SPAG9: variants seen among roughly 807,000 people sequenced by gnomAD.
SPAG9 encodes the protein sperm associated antigen 9.
A neutral mutation model predicts 166.5 loss-of-function variants in SPAG9; 35 were observed. The ratio of observed to expected loss-of-function variants is 0.21; its 90% CI spans 0.16 to 0.28. The LOEUF (loss-of-function observed/expected upper bound fraction) is 0.28, where lower values mean the gene tolerates loss of function less well. Among genes scored for constraint, SPAG9 ranks in the 10% least tolerant of loss-of-function variants. The probability of loss-of-function intolerance (pLI) is 1.00; values close to 1 mark genes in which losing one functional copy is unlikely to be tolerated. For synonymous variants in SPAG9, 534 were observed against 565.5 expected (o/e 0.94, Z 0.79); for missense variants, 1,235 against 1,603.3 (o/e 0.77, Z 3.92).
Position 50,996,680 on chromosome 17 carries a change from A to G in SPAG9, c.1853T>C (p.Leu618Ser), listed in dbSNP as rs143666251. Residue 618 changes from leucine (L) to serine (S), a missense_variant, in exon 16 of 30, where the codon TTA becomes TCA. By Grantham distance (145) the Leu-to-Ser change is moderately radical. This residue lies in a region of SPAG9 where 493 missense variants were observed against 559.4 expected (regional missense o/e 0.88). Transcript: ENST00000262013. ...DFLSEETEAS[L>S]ASRREQKREQ... ...TCTCTTTTGTTCTCTGCGTGAGGCT[A>G]AACTAGCTTCAGTTCTAAAAGGAAA... 53 of 1,614,146 alleles carry G rather than the reference A, an allele frequency of 3.3e-5. No homozygotes were observed. In the African/African-American group the frequency reaches 6.8e-4, roughly 21 times the overall value.
At chr17:51,099,369 G>A (rs1451981284) in intron 1 of SPAG9, among the ~76,000 whole-genome samples, 1 of 147,058 alleles carries the variant, frequency 6.8e-6, no homozygotes, top group Non-Finnish European at 1.5e-5. Flanking sequence ...GGAGGCGGAG[G>A]TTGCAGTGAG....
chr17:50,971,325 CA>C (rs1973787164), intron 28 of SPAG9, among the ~76,000 whole-genome samples: 2 of 151,682 alleles, frequency 1.3e-5, no homozygotes, highest in African/African-American at 4.8e-5. Flanking sequence ...AACAAACAAA[CA>C]AACAAACAAA....
intron 15 of SPAG9, among the ~76,000 whole-genome samples, chr17:50,997,394 G>A (rs527462512): frequency 2.8e-4 from 43 of 152,256 alleles, no homozygotes; most frequent in South Asian, 2.7e-3. Context: ...GCCAGAAAAC[G>A]TGCTAGAAGT....
rs1320621854 is a variant in SPAG9 at position 51,049,264 on chromosome 17, G to A, written c.496-1795C>T. ...CGCCTATAGTCCCTACTGCTCAGGA[G>A]GCAGAAGTGGGAGAACTGCTTGGAC... On this transcript the variant is annotated intron_variant, in intron 3 of 29. Coordinates refer to ENST00000262013, the MANE Select transcript of SPAG9 (RefSeq NM_001130528.3). Among the ~76,000 whole-genome samples, 9 of 151,938 alleles carry A rather than the reference G, an allele frequency of 5.9e-5. No homozygotes were observed. The South Asian group carries it at 1.9e-3, about 32-fold the overall frequency.
At chr17:51,011,319 G>A (rs2045475328) in intron 9 of SPAG9, among the ~76,000 whole-genome samples, 1 of 150,198 alleles carries the variant, frequency 6.7e-6, no homozygotes, top group African/African-American at 2.4e-5. Context: ...AGTAATTGAA[G>A]TACTGAGTCC....
At chr17:51,095,102 T>C (rs1222956600) in intron 1 of SPAG9, among the ~76,000 whole-genome samples, 10 of 150,990 alleles carry the variant, frequency 6.6e-5, no homozygotes, top group Non-Finnish European at 1.0e-4. Flanking sequence ...GAGACCATCC[T>C]GGCTAACACT....
intron 11 of SPAG9, 87 bp from the exon 12 acceptor site, chr17:51,005,350 A>AC: frequency 8.2e-7 from 1 of 1,219,430 alleles, no homozygotes. Context: ...AATTTTAACT[A>AC]CCACTAAAGG....
At chr17:51,076,849 T>C (rs1383595223) in intron 2 of SPAG9, among the ~76,000 whole-genome samples, 1 of 152,078 alleles carries the variant, frequency 6.6e-6, no homozygotes, top group Non-Finnish European at 1.5e-5. Context: ...TCTTTAGTGT[T>C]TGGTTCTAAA....
intron 16 of SPAG9, 21 bp downstream of exon 16, chr17:50,996,544 C>A: frequency 6.2e-7 from 1 of 1,613,924 alleles, no homozygotes; most frequent in South Asian, 1.1e-5. Context: ...GCTGGATGCT[C>A]TTACCACATG....
At chr17:51,015,488 T>G (rs1035107572) in intron 8 of SPAG9, among the ~76,000 whole-genome samples, 3 of 151,980 alleles carry the variant, frequency 2.0e-5, no homozygotes, top group Admixed American at 2.0e-4. Flanking sequence ...TACTTAAGTA[T>G]GAATAAAACA....
At chr17:50,972,525 C>A (rs920251505) in intron 28 of SPAG9, among the ~76,000 whole-genome samples, 5 of 152,144 alleles carry the variant, frequency 3.3e-5, no homozygotes, top group African/African-American at 1.2e-4. Flanking sequence ...AAATATTATT[C>A]ACAACTATGA....
At chr17:51,047,025 T>C in intron 4 of SPAG9, 2 of 1,085,784 alleles carry the variant, frequency 1.8e-6, no homozygotes, top group South Asian at 1.7e-5. Flanking sequence ...CTTTCAAACA[T>C]GCCTCTCTGT....
intron 1 of SPAG9, among the ~76,000 whole-genome samples, chr17:51,100,417 C>A (rs1008385151): frequency 6.6e-6 from 1 of 152,068 alleles, no homozygotes; most frequent in Admixed American, 6.6e-5. Context: ...CCAGCCTGGG[C>A]AACATGGTGA....
chr17:51,007,014 T>C (rs529933248), intron 10 of SPAG9, among the ~76,000 whole-genome samples: 2 of 152,270 alleles, frequency 1.3e-5, no homozygotes, highest in South Asian at 4.1e-4. Context: ...AAGGCATGGA[T>C]ACTTATAGAG....
intron 3 of SPAG9, 59 bp from the exon 4 acceptor site, chr17:51,047,528 T>C (rs1470569198): frequency 1.3e-6 from 1 of 786,630 alleles, no homozygotes. Flanking sequence ...AATAAAATCA[T>C]AGTGTTATAA....
At chr17:51,022,975 A>ATAATAATAATAAT (rs60509039) in intron 6 of SPAG9, among the ~76,000 whole-genome samples, 1 of 148,482 alleles carries the variant, frequency 6.7e-6, no homozygotes, top group African/African-American at 2.5e-5. Context: ...AATAATAATA[A>ATAATAATAATAAT]ATCAGGGTTA....
At chr17:51,073,017 C>G (rs1371761311) in intron 2 of SPAG9, among the ~76,000 whole-genome samples, 1 of 152,044 alleles carries the variant, frequency 6.6e-6, no homozygotes, top group Non-Finnish European at 1.5e-5. Context: ...TGGCAAAACC[C>G]TGGCTCTACA....
intron 1 of SPAG9, among the ~76,000 whole-genome samples, chr17:51,110,563 C>G (rs1330335909): frequency 6.6e-6 from 1 of 152,008 alleles, no homozygotes; most frequent in Non-Finnish European, 1.5e-5. Flanking sequence ...GTGGTGTACA[C>G]CTGTAGTCCC....
chr17:50,989,697 G>A lies in SPAG9; in HGVS notation c.2793C>T (p.Leu931=), dbSNP rs756710626. The change falls in exon 21 of 30, where the codon CTC becomes CTT. Residue 931 remains leucine (L), a synonymous_variant. Coordinates refer to ENST00000262013, the MANE Select transcript of SPAG9 (RefSeq NM_001130528.3). The part of the protein sequence containing the change: ...DPLGVQIPED[L]SPVYQSSNDS... ...TATACCTCGACTGATACACTGGGGA[G>A]AGGTCTTCTGGGATCTGAACTCCCA... 5.6e-6 allele frequency: 9 copies of A among 1,614,002 alleles called. 1 individual carries two copies. The South Asian group carries it at 9.9e-5, about 18-fold the overall frequency.
Sources: allele counts gnomAD v4.1 joint callset (sites outside exome capture counted in the v4.1 genomes callset), GRCh38; gene constraint gnomAD v4.1.1; regional missense constraint gnomAD v4.1.1; transcripts MANE v1.5; gene names NCBI Gene and HGNC (gene_info 2026-07-23, HGNC 2026-07-21).